The following RAPH1 variants were observed in gnomAD, a reference collection of about 807,000 sequenced individuals.
The protein encoded by RAPH1 is ras-associated and pleckstrin homology domains-containing protein 1.
In RAPH1, 18 loss-of-function variants were observed where a neutral mutation model predicts 88.1. That is an observed-to-expected ratio of 0.20 (90% CI 0.14 to 0.30). The LOEUF (loss-of-function observed/expected upper bound fraction) is 0.30, where lower values mean the gene tolerates loss of function less well. Ranked by LOEUF, RAPH1 falls within the 10% of genes least tolerant of loss-of-function variation. The pLI is 1.00. For synonymous variants in RAPH1, 587 were observed against 559.0 expected, an observed-to-expected ratio of 1.05 and a Z score of -0.71; for missense variants, 1,448 against 1,543.2, an observed-to-expected ratio of 0.94 and a Z score of 1.03.
intron 1 of RAPH1, among the ~76,000 whole-genome samples, chr2:203,528,906 T>G: frequency 6.9e-6 from 1 of 145,598 alleles, no homozygotes; most frequent in Non-Finnish European, 1.5e-5. Context: ...TTAGAACAAA[T>G]TATATTTGGG....
In RAPH1 at chr2:203,440,291, C is replaced by T. The variant is rs2098502303; in HGVS notation, c.2899G>A (p.Gly967Arg). 1.2e-6 allele frequency: 2 copies of T among 1,613,600 alleles called. No homozygotes were observed. The change falls in exon 14 of 14, where the codon GGG (glycine) becomes AGG (arginine). Residue 967 changes from glycine to arginine, a missense_variant. Gly to Arg is a moderately radical substitution (Grantham distance 125). Around this residue, in one of 2 missense-constraint regions of RAPH1, gnomAD observed 935 missense variants for 890.1 expected, o/e 1.05. Transcript: ENST00000319170. Reference sequence around the variant, plus strand: ...GGGGTTGGGGGTGGTTTCTTTCCCCCAGGGCTGGACGTCTTACTGGTCTTT... The same window carrying T: ...GGGGTTGGGGGTGGTTTCTTTCCCCTAGGGCTGGACGTCTTACTGGTCTTT... ...GKKTSKTSSP[G>R]GKKPPPTPQR... is the part of the protein sequence containing the mutation.
intron 1 of RAPH1, among the ~76,000 whole-genome samples, chr2:203,527,171 G>A (rs985656725): frequency 6.6e-6 from 1 of 151,996 alleles, no homozygotes; most frequent in Non-Finnish European, 1.5e-5. Context: ...GATTCACTGG[G>A]GTATACGAAC....
Position 203,439,243 on chromosome 2 carries a change from ATATATG to A in RAPH1, c.*188_*193del. On this transcript the variant is annotated 3_prime_UTR_variant, in exon 14 of 14. Transcript: ENST00000319170. ...TCTCTCTATATACACATACACATAC[ATATATG>A]TATACATATATACACACACTGTACA... The A allele has an allele frequency of 1.8e-6, 1 of 569,372 alleles. No individual in the cohort carries two copies. Among genetic ancestry groups the A allele is most frequent in the South Asian group, 2.4e-5 (1 of 41,934 alleles). The allele number at this position is 569,372 out of a possible 1,614,324, so 35.3% of individuals were successfully genotyped here.
intron 1 of RAPH1, among the ~76,000 whole-genome samples, chr2:203,510,883 ACT>A (rs942736105): frequency 2.0e-5 from 3 of 151,966 alleles, no homozygotes; most frequent in African/African-American, 4.8e-5. Flanking sequence ...ACATAGCGAG[ACT>A]CTGTCTGTAT....
rs1044779301 is a variant in RAPH1, at chr2:203,489,714, A to G, written c.602T>C (p.Val201Ala). The G allele has an allele frequency of 1.2e-6, 2 of 1,614,188 alleles. No individual in the cohort carries two copies. Among genetic ancestry groups the G allele is most frequent in the African/African-American group, 2.7e-5 (2 of 75,042 alleles). ...ATGGGAGGAATTACTAATAGAGTGT[A>G]CTTCAGCATCACTCACTGTGCCTGC... ...ASAGTVSDAE[V>A]HSISNSSHSS... is the part of the protein sequence containing the mutation. Residue 201 changes from valine to alanine, a missense_variant, in exon 4 of 14, where the codon GTA (valine) becomes GCA (alanine). Val to Ala is a moderately conservative substitution (Grantham distance 64). Coordinates refer to ENST00000319170, the MANE Select transcript of RAPH1 (RefSeq NM_213589.3).
intron 9 of RAPH1, 119 bp from the exon 10 acceptor site, chr2:203,454,659 A>G (rs1379039094): frequency 3.1e-6 from 2 of 648,312 alleles, no homozygotes; most frequent in Non-Finnish European, 5.2e-6. Flanking sequence ...AATAGAAATT[A>G]TTGCTATTTA....
chr2:203,461,394 G>A lies in RAPH1; in HGVS notation c.825C>T (p.Val275=), dbSNP rs532149705. ...EAQVKKLVIR[V]HMSDDSSKTM... ...TTTTAGAACTGTCATCAGACATGTG[G>A]ACTCTGATCACCAGCTATAACAGGT... Residue 275 remains valine, a synonymous_variant, in exon 6 of 14, where the codon GTC becomes GTT. Transcript: ENST00000319170. 6.2e-7 allele frequency: 1 copy of A among 1,600,924 alleles called. No individual in the cohort carries two copies. Among genetic ancestry groups the A allele is most frequent in the Admixed American group, 1.7e-5 (1 of 58,460 alleles).
intron 1 of RAPH1, among the ~76,000 whole-genome samples, chr2:203,508,205 G>C: frequency 7.8e-6 from 1 of 128,292 alleles, no homozygotes; most frequent in Non-Finnish European, 1.6e-5. Flanking sequence ...CTGGGCAACA[G>C]AGCAAGACTC....
intron 4 of RAPH1, among the ~76,000 whole-genome samples, chr2:203,462,193 A>C (rs1249953793): frequency 6.6e-6 from 1 of 152,206 alleles, no homozygotes; most frequent in Non-Finnish European, 1.5e-5. Context: ...GTAAATTACC[A>C]AGTTTGATTC....
chr2:203,525,217 G>A (rs192345489), intron 1 of RAPH1, among the ~76,000 whole-genome samples: 123 of 152,232 alleles, frequency 8.1e-4, no homozygotes, highest in African/African-American at 2.5e-3. Context: ...ACGGAGTCTC[G>A]CTCTGTCGCC....
At chr2:203,526,602 G>A (rs534989145) in intron 1 of RAPH1, among the ~76,000 whole-genome samples, 38 of 148,836 alleles carry the variant, frequency 2.6e-4, no homozygotes, top group African/African-American at 4.4e-4. Context: ...ATGGGCACCT[G>A]TAATCCCAGC....
At chr2:203,515,268 A>G (rs1294737225) in intron 1 of RAPH1, among the ~76,000 whole-genome samples, 1 of 152,258 alleles carries the variant, frequency 6.6e-6, no homozygotes, top group Non-Finnish European at 1.5e-5. Flanking sequence ...AATGTACAAT[A>G]AAGAAACCAT....
At chr2:203,491,390 T>C in intron 2 of RAPH1, 71 bp from the exon 3 acceptor site, 2 of 1,076,884 alleles carry the variant, frequency 1.9e-6, no homozygotes, top group Non-Finnish European at 2.7e-6. Context: ...ATGAAGTTTG[T>C]TTTATGATTA....
chr2:203,460,021 G>C lies in RAPH1; in HGVS notation c.978C>G (p.Ile326Met), dbSNP rs750700238. The change falls in exon 7 of 14, where the codon ATC becomes ATG. Residue 326 changes from isoleucine to methionine, a missense_variant. Ile to Met is a conservative substitution (Grantham distance 10, BLOSUM62 1). Around this residue, in one of 2 missense-constraint regions of RAPH1, gnomAD observed 513 missense variants for 653.1 expected, o/e 0.79. Transcript: ENST00000319170. The part of the protein sequence containing the change: ...ETVSELQMER[I>M]FEDHENLVEN... ...CAACCAAGTTTTCATGGTCTTCAAA[G>C]ATTCTCTCTGTCCCAAAATAAAATA... The C allele has an allele frequency of 3.1e-6, 5 of 1,603,494 alleles. No homozygotes were observed. In the East Asian group the frequency reaches 1.1e-4, roughly 36 times the overall value.
intron 1 of RAPH1, among the ~76,000 whole-genome samples, chr2:203,506,730 A>C (rs534243712): frequency 3.7e-4 from 48 of 128,792 alleles, no homozygotes; most frequent in Non-Finnish European, 6.6e-4. Flanking sequence ...AAATCCATAT[A>C]TAGATATATA....
chr2:203,440,782 G>A lies in RAPH1; in HGVS notation c.2408C>T (p.Pro803Leu). 6.2e-7 allele frequency: 1 copy of A among 1,611,008 alleles called. No individual in the cohort carries two copies. The highest frequency in any genetic ancestry group is 2.2e-5 in the East Asian group (1 of 44,782). Reference sequence around the variant, plus strand: ...GGGCACTGGAGGAGTAGGTGTGGGTGGTGCAGCTTGAGTCACAACAGGTGC... The same window carrying A: ...GGGCACTGGAGGAGTAGGTGTGGGTAGTGCAGCTTGAGTCACAACAGGTGC... ...TVAPVVTQAA[P>L]PTPTPPVPPA... The change falls in exon 14 of 14, where the codon CCA becomes CTA. Residue 803 changes from proline to leucine, a missense_variant. Physicochemically the swap from Pro to Leu is moderately conservative, Grantham distance 98 (BLOSUM62 -3). Coordinates refer to ENST00000319170, the MANE Select transcript of RAPH1 (RefSeq NM_213589.3).
In RAPH1 at chr2:203,440,178, A is replaced by G. The variant is rs1559439194; in HGVS notation, c.3012T>C (p.Phe1004=). 1.2e-6 allele frequency: 2 copies of G among 1,613,600 alleles called. No homozygotes were observed. The highest frequency in any genetic ancestry group is 2.2e-5 in the East Asian group (1 of 44,860). The change falls in exon 14 of 14, where the codon TTT becomes TTC. Residue 1004 remains phenylalanine (F), a synonymous_variant. Transcript: ENST00000319170. ...RPSVDSLVSK[F]TPPAESGSPS... ...GAGACCCTGATTCTGCTGGCGGTGT[A>G]AACTTGCTGACTAGACTGTCCACCG...
At chr2:203,491,345 C>T in intron 2 of RAPH1, 26 bp from the exon 3 acceptor site, 1 of 1,414,874 alleles carries the variant, frequency 7.1e-7, no homozygotes, top group Non-Finnish European at 9.8e-7. Flanking sequence ...GTTTAATAGT[C>T]ATATTAAATT....
intron 1 of RAPH1, chr2:203,533,465 T>C (rs186475566): frequency 6.6e-6 from 1 of 152,302 alleles, no homozygotes; most frequent in Admixed American, 6.5e-5. Context: ...TTAAAAGCTA[T>C]TGAGCGTCTC....
Sources: allele counts gnomAD v4.1 joint callset (sites outside exome capture counted in the v4.1 genomes callset), GRCh38; gene constraint gnomAD v4.1.1; regional missense constraint gnomAD v4.1.1; transcripts MANE v1.5; gene names NCBI Gene and HGNC (gene_info 2026-07-23, HGNC 2026-07-21).